Variants in SAMMSON observed in about 807,000 individuals in gnomAD.
SAMMSON encodes survival associated mitochondrial melanoma specific oncogenic non-coding RNA, also known as long intergenic non-protein coding RNA 1212.
intron 6 of SAMMSON, among the ~76,000 whole-genome samples, chr3:70,251,982 G>A (rs1242736719): frequency 6.6e-6 from 1 of 152,154 alleles, no homozygotes; most frequent in African/African-American, 2.4e-5. Flanking sequence ...TTCAAAACAC[G>A]TGTTAAGGAA....
intron 4 of SAMMSON, among the ~76,000 whole-genome samples, chr3:70,147,892 A>G (rs1003406265): frequency 2.5e-4 from 38 of 152,076 alleles, no homozygotes; most frequent in African/African-American, 8.7e-4. Flanking sequence ...AGTATTTAAA[A>G]ATTACATTTC....
chr3:70,108,423 C>CTTTTTTTTTTTTTTTTTT (rs61561713), intron 4 of SAMMSON, among the ~76,000 whole-genome samples: 7,125 of 88,394 alleles, frequency 0.081, 1,227 homozygotes, highest in East Asian at 0.21. Flanking sequence ...CTTGCGGTTC[C>CTTTTTTTTTTTTTTTTTT]TTTTTTTTTT....
intron 9 of SAMMSON, among the ~76,000 whole-genome samples, chr3:70,372,734 C>T (rs914271902): frequency 1.3e-5 from 2 of 152,110 alleles, no homozygotes; most frequent in Non-Finnish European, 2.9e-5. Flanking sequence ...TTGTAGAAAT[C>T]AAAAGTTTTA....
intron 2 of SAMMSON, among the ~76,000 whole-genome samples, chr3:70,426,359 T>C (rs1701368676): frequency 6.6e-6 from 1 of 152,222 alleles, no homozygotes; most frequent in Non-Finnish European, 1.5e-5. Flanking sequence ...ACAACCACTA[T>C]GACTGAAGCA....
At chr3:70,047,274 T>C (rs1379554004) in intron 3 of SAMMSON, among the ~76,000 whole-genome samples, 1 of 151,918 alleles carries the variant, frequency 6.6e-6, no homozygotes, top group Admixed American at 6.6e-5. Flanking sequence ...CAAAAAAATA[T>C]AGTAGATGCT....
At chr3:70,337,425 A>G (rs995690326) in intron 7 of SAMMSON, among the ~76,000 whole-genome samples, 1 of 151,626 alleles carries the variant, frequency 6.6e-6, no homozygotes, top group Non-Finnish European at 1.5e-5. Context: ...TGTTTTCCCT[A>G]TTGTATATTC....
chr3:70,369,994 G>A (rs933260395), intron 9 of SAMMSON, among the ~76,000 whole-genome samples: 1 of 151,514 alleles, frequency 6.6e-6, no homozygotes, highest in African/African-American at 2.4e-5. Flanking sequence ...TTCCAGTCTC[G>A]AGAATCTATC....
intron 3 of SAMMSON, among the ~76,000 whole-genome samples, chr3:70,029,021 G>A (rs1000306369): frequency 4.6e-5 from 7 of 152,166 alleles, no homozygotes; most frequent in Non-Finnish European, 7.3e-5. Context: ...GTATTTGGAC[G>A]ATATGACTCC....
At chr3:70,281,671 C>G (rs936718478) in intron 6 of SAMMSON, among the ~76,000 whole-genome samples, 6 of 152,108 alleles carry the variant, frequency 3.9e-5, no homozygotes, top group African/African-American at 7.2e-5. Context: ...GTTCTTCTCC[C>G]TGAGGAATCC....
At chr3:70,218,022 C>G (rs1701431271) in intron 4 of SAMMSON, among the ~76,000 whole-genome samples, 1 of 152,116 alleles carries the variant, frequency 6.6e-6, no homozygotes, top group African/African-American at 2.4e-5. Flanking sequence ...AACAGAGGAG[C>G]AAATCATATG....
At chr3:70,419,589 AAAC>A (rs1701295420) in intron 2 of SAMMSON, among the ~76,000 whole-genome samples, 1 of 152,190 alleles carries the variant, frequency 6.6e-6, no homozygotes, top group Admixed American at 6.5e-5. Flanking sequence ...TAAGAAATAA[AAAC>A]AGACTCCCAA....
intron 4 of SAMMSON, among the ~76,000 whole-genome samples, chr3:70,146,565 A>G (rs1205983143): frequency 6.6e-6 from 1 of 152,072 alleles, no homozygotes; most frequent in African/African-American, 2.4e-5. Flanking sequence ...GAAAATCCAC[A>G]TGAATATATC....
rs145426236 is a variant in SAMMSON, at chr3:70,427,767, A to T, written n.234-34793A>T. ...AAAAAAAAAAAAAAATGTCCAAAAG[A>T]TCTCTCTAATTAGTGCAAATTGTAA... is the stretch of plus-strand genomic sequence containing the variant. On this transcript the variant is annotated intron_variant and non_coding_transcript_variant, in intron 2 of 3. Transcript: ENST00000641053. 3.6e-3 allele frequency among the ~76,000 whole-genome samples: 553 copies of T among 151,656 alleles called. 3 individuals are homozygous for T. Among genetic ancestry groups the T allele is most frequent in the African/African-American group, 0.013 (523 of 41,358 alleles).
intron 4 of SAMMSON, among the ~76,000 whole-genome samples, chr3:70,209,699 C>A (rs1416898146): frequency 4.6e-5 from 7 of 152,060 alleles, no homozygotes; most frequent in Admixed American, 1.3e-4. Flanking sequence ...AATGTTTTCT[C>A]TGATTTATTC....
chr3:70,385,831 A>G (rs1703119278), intron 9 of SAMMSON, among the ~76,000 whole-genome samples: 1 of 152,140 alleles, frequency 6.6e-6, no homozygotes, highest in Admixed American at 6.6e-5. Flanking sequence ...AAACAGTGGT[A>G]GAGTTGTTAT....
rs1474380015 is a variant in SAMMSON, at chr3:70,028,110, T to TTCCTTCCTTCCTTCCTTCCTTCCTTCCC, written n.417+14441_417+14442insTTCCTTCCTTCCTTCCTTCCTTCCCTCC. On this transcript the variant is annotated intron_variant and non_coding_transcript_variant, in intron 3 of 9. Transcript: ENST00000642114. ...TTTCCTTCCTTCCTTCCTTCCTTCC[T>TTCCTTCCTTCCTTCCTTCCTTCCTTCCC]TCCCTTCCTTCCTTCCGTCCCTTCC... 8.5e-4 allele frequency among the ~76,000 whole-genome samples: 123 copies of TTCCTTCCTTCCTTCCTTCCTTCCTTCCC among 145,372 alleles called. 5 individuals carry two copies. Among genetic ancestry groups the TTCCTTCCTTCCTTCCTTCCTTCCTTCCC allele is most frequent in the African/African-American group, 3.2e-3 (118 of 37,458 alleles).
At chr3:70,319,762 T>A (rs1471437088) in intron 7 of SAMMSON, among the ~76,000 whole-genome samples, 1 of 152,052 alleles carries the variant, frequency 6.6e-6, no homozygotes, top group Non-Finnish European at 1.5e-5. Context: ...CCCATTAAAT[T>A]AAATTTTTAC....
intron 4 of SAMMSON, among the ~76,000 whole-genome samples, chr3:70,199,953 C>T (rs1279071137): frequency 2.0e-5 from 3 of 152,222 alleles, no homozygotes; most frequent in African/African-American, 7.2e-5. Context: ...TCTCCCCAGT[C>T]CTACAAATCT....
chr3:70,010,721 A>AT (rs1361404346), intron 1 of SAMMSON, among the ~76,000 whole-genome samples: 21 of 151,996 alleles, frequency 1.4e-4, no homozygotes, highest in African/African-American at 5.1e-4. Flanking sequence ...AGACTGGGTA[A>AT]TTTATAAAGG....
Sources: allele counts gnomAD v4.1 joint callset (sites outside exome capture counted in the v4.1 genomes callset), GRCh38; gene constraint gnomAD v4.1.1; transcripts MANE v1.5; gene names NCBI Gene and HGNC (gene_info 2026-07-23, HGNC 2026-07-21).